Variants in PRKN observed in about 807,000 individuals in gnomAD.
The protein encoded by PRKN is E3 ubiquitin-protein ligase parkin.
PRKN carries 56 observed loss-of-function variants against 59.5 expected under a neutral mutation model. That is an observed-to-expected ratio of 0.94 (90% CI 0.76 to 1.18). The LOEUF (loss-of-function observed/expected upper bound fraction) is 1.18, where lower values mean the gene tolerates loss of function less well. Ranked by LOEUF, PRKN falls within the 50% of genes most tolerant of loss-of-function variation. PRKN has a pLI of 0.00. For synonymous variants in PRKN, 250 were observed against 222.1 expected (o/e 1.13, Z -1.12); for missense variants, 657 against 596.4 (o/e 1.10, Z -1.06).
intron 2 of PRKN, among the ~76,000 whole-genome samples, chr6:162,380,100 G>A (rs887451608): frequency 1.3e-5 from 2 of 152,048 alleles, no homozygotes; most frequent in African/African-American, 4.8e-5. Context: ...AAATTATGTT[G>A]CCATATTCTG....
At chr6:162,293,760 C>T (rs756877589) in intron 2 of PRKN, among the ~76,000 whole-genome samples, 4 of 152,108 alleles carry the variant, frequency 2.6e-5, no homozygotes, top group Non-Finnish European at 5.9e-5. Flanking sequence ...TCCCCAAGGA[C>T]CAGATGTGGG....
chr6:162,535,377 G>A (rs1408230086), intron 1 of PRKN, among the ~76,000 whole-genome samples: 1 of 151,990 alleles, frequency 6.6e-6, no homozygotes, highest in African/African-American at 2.4e-5. Context: ...TTTGTCCAAT[G>A]TCTTTCTTCA....
chr6:161,739,026 T>C (rs1481234839), intron 7 of PRKN, among the ~76,000 whole-genome samples: 1 of 152,190 alleles, frequency 6.6e-6, no homozygotes, highest in Admixed American at 6.5e-5. Flanking sequence ...TAAGAAGATA[T>C]TGATATGCCA....
chr6:161,507,909 G>A (rs866049373), intron 9 of PRKN, among the ~76,000 whole-genome samples: 8 of 152,014 alleles, frequency 5.3e-5, no homozygotes, highest in Admixed American at 2.0e-4. Context: ...CATAGGTCCA[G>A]GTTTATAATA....
rs1425754271 is a variant in PRKN, at chr6:162,162,956, C to T, written c.534+38175G>A. On this transcript the variant is annotated intron_variant, in intron 4 of 11. Coordinates refer to ENST00000366898, the MANE Select transcript of PRKN (RefSeq NM_004562.3). ...CCGGGAGGCAGAGGTTGCAGTGAGCCGAGATCGTGCCACTGTACTCCAGCC... is the reference window on the plus strand; with the variant it reads ...CCGGGAGGCAGAGGTTGCAGTGAGCTGAGATCGTGCCACTGTACTCCAGCC... Among the ~76,000 whole-genome samples the T allele has an allele frequency of 7.4e-5, 11 of 148,600 alleles. 1 individual carries two copies. The highest frequency in any genetic ancestry group is 1.9e-4 in the East Asian group (1 of 5,156).
chr6:162,701,841 A>G (rs1188336147), intron 1 of PRKN, among the ~76,000 whole-genome samples: 4 of 139,906 alleles, frequency 2.9e-5, no homozygotes, highest in Admixed American at 7.7e-5. Flanking sequence ...ATACACACAC[A>G]CACACACACT....
intron 9 of PRKN, among the ~76,000 whole-genome samples, chr6:161,501,725 A>G (rs1385112570): frequency 6.6e-6 from 1 of 152,020 alleles, no homozygotes; most frequent in Non-Finnish European, 1.5e-5. Flanking sequence ...GAAACTGGTC[A>G]TTTGTTCTCT....
chr6:162,578,217 A>T (rs962028188), intron 1 of PRKN, among the ~76,000 whole-genome samples: 1 of 152,188 alleles, frequency 6.6e-6, no homozygotes, highest in African/African-American at 2.4e-5. Flanking sequence ...GTACTGAGTG[A>T]AAAACATGTA....
chr6:161,635,072 C>T (rs900783889), intron 7 of PRKN, among the ~76,000 whole-genome samples: 1 of 152,134 alleles, frequency 6.6e-6, no homozygotes, highest in Admixed American at 6.6e-5. Context: ...CTGGCAGAAT[C>T]CTTGGGAATC....
At position 162,334,594 on chromosome 6, in the gene PRKN, T is replaced by TA. The variant is rs1783748044; in HGVS notation, c.172-71830_172-71829insT. ...GTCACCCGAAAGATACACAAGGAGATTAATTTTGTTTTTATGCCTACTGAC... is the reference window on the plus strand; with the variant it reads ...GTCACCCGAAAGATACACAAGGAGATATAATTTTGTTTTTATGCCTACTGAC... On this transcript the variant is annotated intron_variant, in intron 2 of 11. Coordinates refer to ENST00000366898, the MANE Select transcript of PRKN (RefSeq NM_004562.3). 7.9e-5 allele frequency among the ~76,000 whole-genome samples: 12 copies of TA among 152,280 alleles called. No homozygotes were observed. The South Asian group carries it at 2.5e-3, about 32-fold the overall frequency.
At chr6:161,905,658 A>T (rs75364244) in intron 6 of PRKN, among the ~76,000 whole-genome samples, 4,998 of 151,732 alleles carry the variant, frequency 0.033, 239 homozygotes, top group African/African-American at 0.11. Flanking sequence ...TTATATATAT[A>T]TTTTTTTAAA....
intron 9 of PRKN, among the ~76,000 whole-genome samples, chr6:161,421,569 G>A (rs979717860): frequency 3.9e-5 from 6 of 152,124 alleles, no homozygotes; most frequent in African/African-American, 1.2e-4. Context: ...TAGCATTAAC[G>A]GGGGAATGGA....
At chr6:162,065,923 G>A (rs1778319176) in intron 4 of PRKN, among the ~76,000 whole-genome samples, 1 of 152,162 alleles carries the variant, frequency 6.6e-6, no homozygotes, top group African/African-American at 2.4e-5. Flanking sequence ...TGACTGCATA[G>A]AATTCCATGG....
intron 1 of PRKN, among the ~76,000 whole-genome samples, chr6:162,550,504 T>C (rs1259088311): frequency 6.6e-6 from 1 of 152,052 alleles, no homozygotes; most frequent in Non-Finnish European, 1.5e-5. Flanking sequence ...GGAGCTGAAG[T>C]AAACACCCCC....
intron 9 of PRKN, among the ~76,000 whole-genome samples, chr6:161,439,494 C>T (rs1789088987): frequency 6.6e-6 from 1 of 152,228 alleles, no homozygotes; most frequent in Non-Finnish European, 1.5e-5. Context: ...GCTCTGTTTA[C>T]AACCCGAAGG....
At chr6:161,437,618 A>C (rs1788986568) in intron 9 of PRKN, among the ~76,000 whole-genome samples, 1 of 152,144 alleles carries the variant, frequency 6.6e-6, no homozygotes, top group Non-Finnish European at 1.5e-5. Context: ...GGCTTTTTAC[A>C]CAGGTATGGC....
chr6:162,548,469 T>TA (rs1393336461), intron 1 of PRKN, among the ~76,000 whole-genome samples: 1 of 151,984 alleles, frequency 6.6e-6, no homozygotes, highest in Non-Finnish European at 1.5e-5. Flanking sequence ...AGATCAGTCT[T>TA]AAATCTGGAC....
At chr6:162,476,679 T>C (rs1196850962) in intron 1 of PRKN, among the ~76,000 whole-genome samples, 1 of 152,058 alleles carries the variant, frequency 6.6e-6, no homozygotes. Flanking sequence ...TTCAACCTCA[T>C]GAACAAGAGA....
At chr6:161,721,697 C>T (rs529377126) in intron 7 of PRKN, among the ~76,000 whole-genome samples, 2 of 152,210 alleles carry the variant, frequency 1.3e-5, no homozygotes, top group East Asian at 1.9e-4. Flanking sequence ...GTGGATGGCC[C>T]GTCAGCCACG....
Sources: gnomAD v4.1 joint callset for allele counts (sites outside exome capture counted in the v4.1 genomes callset) on GRCh38, gnomAD v4.1.1 for gene constraint, MANE v1.5 for transcripts, NCBI Gene and HGNC (gene_info 2026-07-23, HGNC 2026-07-21) for gene names.